The following CTNNA2 variants were observed in gnomAD, a reference collection of about 807,000 sequenced individuals.
CTNNA2 encodes the protein catenin alpha-2.
Under a neutral mutation model 101.0 loss-of-function variants are expected in CTNNA2, and 42 were observed. That is an observed-to-expected ratio of 0.42 (90% CI 0.32 to 0.54). CTNNA2 has a LOEUF of 0.54. CTNNA2 is among the 20% of genes least tolerant of loss of function. The probability of loss-of-function intolerance (pLI) is 0.14; values close to 1 mark genes in which losing one functional copy is unlikely to be tolerated. For missense variants in CTNNA2, 871 were observed against 1,223.1 expected, an observed-to-expected ratio of 0.71 and a Z score of 4.29; for synonymous variants, 450 against 456.4, an observed-to-expected ratio of 0.99 and a Z score of 0.18.
At chr2:79,901,970 T>C (rs1436874967) in intron 6 of CTNNA2, among the ~76,000 whole-genome samples, 2 of 152,252 alleles carry the variant, frequency 1.3e-5, no homozygotes, top group Non-Finnish European at 1.5e-5. Flanking sequence ...GCAATATTTG[T>C]ATTTACCTTC....
chr2:80,636,061 T>G (rs1672848368), intron 18 of CTNNA2, among the ~76,000 whole-genome samples: 1 of 150,808 alleles, frequency 6.6e-6, no homozygotes, highest in South Asian at 2.1e-4. Flanking sequence ...TCAATAACCT[T>G]GGATTTGTTC....
chr2:79,371,419 G>A (rs772258125), intron 3 of CTNNA2, among the ~76,000 whole-genome samples: 80 of 152,142 alleles, frequency 5.3e-4, no homozygotes, highest in South Asian at 4.2e-4. Flanking sequence ...AAAGACTCAC[G>A]ATGTGGAACC....
chr2:79,294,198 A>C (rs927305677), intron 2 of CTNNA2, among the ~76,000 whole-genome samples: 1 of 147,626 alleles, frequency 6.8e-6, no homozygotes. Context: ...AGAGAGAGAG[A>C]GAGAGAAGAA....
chr2:80,153,485 C>A (rs1056613232), intron 7 of CTNNA2, among the ~76,000 whole-genome samples: 8 of 152,162 alleles, frequency 5.3e-5, no homozygotes, highest in Non-Finnish European at 1.5e-5. Context: ...TTATGCCAGG[C>A]GTTGGCCTCG....
At chr2:80,134,353 G>T (rs1702573563) in intron 7 of CTNNA2, among the ~76,000 whole-genome samples, 1 of 152,140 alleles carries the variant, frequency 6.6e-6, no homozygotes, top group African/African-American at 2.4e-5. Context: ...AAGGCCAATT[G>T]ATGGTTGCTG....
At chr2:79,824,301 T>G (rs1319515913) in intron 3 of CTNNA2, among the ~76,000 whole-genome samples, 1 of 152,186 alleles carries the variant, frequency 6.6e-6, no homozygotes, top group Non-Finnish European at 1.5e-5. Flanking sequence ...TTTTATTTTG[T>G]GGTTATCATG....
chr2:80,506,729 A>G (rs572453440), intron 9 of CTNNA2, among the ~76,000 whole-genome samples: 2 of 152,326 alleles, frequency 1.3e-5, no homozygotes, highest in East Asian at 3.9e-4. Flanking sequence ...AATTCAGGCT[A>G]GCAATGAGGA....
At chr2:79,933,110 A>G (rs1687557310) in intron 7 of CTNNA2, among the ~76,000 whole-genome samples, 2 of 152,168 alleles carry the variant, frequency 1.3e-5, no homozygotes, top group African/African-American at 4.8e-5. Context: ...TTCATGCTTT[A>G]TAGGGTTTTT....
chr2:80,458,688 A>G (rs924641503), intron 9 of CTNNA2, among the ~76,000 whole-genome samples: 3 of 152,170 alleles, frequency 2.0e-5, no homozygotes, highest in Non-Finnish European at 1.5e-5. Flanking sequence ...AGGACCTTGA[A>G]GTTCAGCTTG....
intron 1 of CTNNA2, among the ~76,000 whole-genome samples, chr2:79,590,025 G>A (rs978488054): frequency 2.0e-5 from 3 of 152,106 alleles, no homozygotes; most frequent in Non-Finnish European, 4.4e-5. Flanking sequence ...AGAGATTAAC[G>A]TTTCACATGG....
At chr2:79,254,102 C>T (rs1225949835) in intron 2 of CTNNA2, among the ~76,000 whole-genome samples, 1 of 152,114 alleles carries the variant, frequency 6.6e-6, no homozygotes, top group Non-Finnish European at 1.5e-5. Context: ...TGCAAATGCT[C>T]AAGATTTATT....
chr2:80,638,604 C>T (rs1465991106), intron 18 of CTNNA2, among the ~76,000 whole-genome samples: 1 of 152,102 alleles, frequency 6.6e-6, no homozygotes, highest in African/African-American at 2.4e-5. Context: ...AGAAAGAATG[C>T]CTTGTTTCGG....
intron 9 of CTNNA2, among the ~76,000 whole-genome samples, chr2:80,494,013 C>T (rs889650166): frequency 3.9e-5 from 6 of 152,190 alleles, no homozygotes; most frequent in East Asian, 1.9e-4. Context: ...AAGTGGTCTG[C>T]GTGAGAAAGG....
At chr2:79,521,818 C>A (rs939418903) in intron 1 of CTNNA2, among the ~76,000 whole-genome samples, 2 of 152,042 alleles carry the variant, frequency 1.3e-5, no homozygotes, top group African/African-American at 4.8e-5. Flanking sequence ...GGCAACGTGG[C>A]ACAAGAAGGA....
At position 80,306,454 on chromosome 2, in the gene CTNNA2, C is replaced by CTTTCTT. The variant is rs1677023077; in HGVS notation, c.1057-86756_1057-86755insTTCTTT. Among the ~76,000 whole-genome samples the CTTTCTT allele has an allele frequency of 6.3e-5, 6 of 95,626 alleles. 1 individual carries two copies. The highest frequency in any genetic ancestry group is 3.7e-5 in the African/African-American group (1 of 27,258). The allele number at this position is 95,626 out of a possible 152,430, so 62.7% of individuals were successfully genotyped here. A position where few individuals can be genotyped will look rare whatever the true frequency, so the allele number is the denominator to read the frequency against. ...TTTCTTTCTTTCTTTCTTTCTTTCT[C>CTTTCTT]TCTCTCTCTTTCTTTCTTTCTTAAT... On this transcript the variant is annotated intron_variant, in intron 7 of 18. Transcript: ENST00000402739.
At chr2:80,103,719 A>G (rs1700696911) in intron 7 of CTNNA2, among the ~76,000 whole-genome samples, 1 of 152,032 alleles carries the variant, frequency 6.6e-6, no homozygotes. Context: ...GGCAGCTTAA[A>G]TAATGTTTTG....
At chr2:79,725,303 C>T (rs147038130) in intron 2 of CTNNA2, among the ~76,000 whole-genome samples, 9 of 152,288 alleles carry the variant, frequency 5.9e-5, no homozygotes, top group Non-Finnish European at 8.8e-5. Flanking sequence ...ACCCTGGCTG[C>T]GCTACTGACT....
At chr2:79,223,563 A>G (rs1259287322) in intron 2 of CTNNA2, among the ~76,000 whole-genome samples, 2 of 152,198 alleles carry the variant, frequency 1.3e-5, no homozygotes, top group Admixed American at 6.5e-5. Flanking sequence ...CAGTAGGCAC[A>G]TGCTATCAGT....
In CTNNA2 at chr2:80,558,444, GT is replaced by G. The variant is rs1558585165; in HGVS notation, c.1741+2552del. Among the ~76,000 whole-genome samples, 15 of 6,016 alleles carry G rather than the reference GT, an allele frequency of 2.5e-3. No homozygotes were observed. In the Non-Finnish European group the frequency reaches 0.039, roughly 16 times the overall value. 3.9% of individuals were successfully genotyped at this position (6,016 alleles called of 152,430 possible). A position where few individuals can be genotyped will look rare whatever the true frequency, so the allele number is the denominator to read the frequency against. On this transcript the variant is annotated intron_variant, in intron 12 of 18. Coordinates refer to ENST00000402739, the MANE Select transcript of CTNNA2 (RefSeq NM_001282597.3). ...ATTATGGTTGTACAAAGTTTTGTTG[GT>G]GTGTGTGTGTGTGTATATATGTGTG...
Sources: gnomAD v4.1 joint callset for allele counts (sites outside exome capture counted in the v4.1 genomes callset) on GRCh38, gnomAD v4.1.1 for gene constraint, MANE v1.5 for transcripts, NCBI Gene and HGNC (gene_info 2026-07-23, HGNC 2026-07-21) for gene names.